The following RIMS1 variants were observed in gnomAD, a reference collection of about 807,000 sequenced individuals.
RIMS1 encodes regulating synaptic membrane exocytosis 1.
Under a neutral mutation model 214.1 loss-of-function variants are expected in RIMS1, and 83 were observed. The ratio of observed to expected loss-of-function variants is 0.39; its 90% CI spans 0.32 to 0.47. The LOEUF is 0.47. Ranked by LOEUF, RIMS1 falls within the 20% of genes least tolerant of loss-of-function variation. RIMS1 has a pLI of 0.99. For missense variants in RIMS1, 2,050 were observed against 2,161.8 expected (o/e 0.95, Z 1.03); for synonymous variants, 793 against 786.8 (o/e 1.01, Z -0.13).
chr6:72,287,565 ATAAG>A (rs2092569899), intron 24 of RIMS1, among the ~76,000 whole-genome samples: 1 of 152,032 alleles, frequency 6.6e-6, no homozygotes, highest in Non-Finnish European at 1.5e-5. Context: ...TCAGGCATAC[ATAAG>A]TTTGAATTAA....
chr6:72,301,330 A>G (rs948696849), intron 26 of RIMS1, among the ~76,000 whole-genome samples: 4 of 151,714 alleles, frequency 2.6e-5, no homozygotes, highest in African/African-American at 7.2e-5. Context: ...TATGTATAAT[A>G]TATATGTGTG....
intron 4 of RIMS1, among the ~76,000 whole-genome samples, chr6:72,147,584 G>C (rs192772868): frequency 1.2e-4 from 18 of 152,264 alleles, no homozygotes; most frequent in Admixed American, 1.0e-3. Context: ...GGCCTCTCAT[G>C]TGTGTGTGCA....
chr6:72,139,122 G>GTGTGTA (rs2041769132), intron 4 of RIMS1, among the ~76,000 whole-genome samples: 2 of 152,110 alleles, frequency 1.3e-5, no homozygotes. Context: ...GTCTGTGTGT[G>GTGTGTA]TGTGTATGTG....
intron 23 of RIMS1, among the ~76,000 whole-genome samples, chr6:72,276,225 CAAGAAAAGAAAAA>C (rs1429747158): frequency 6.6e-6 from 1 of 151,628 alleles, no homozygotes; most frequent in Admixed American, 6.6e-5. Context: ...CTCCGATCCC[CAAGAAAAGAAAAA>C]AAGAAAAGAT....
chr6:71,911,363 G>T (rs536056408), intron 1 of RIMS1, among the ~76,000 whole-genome samples: 1 of 152,210 alleles, frequency 6.6e-6, no homozygotes, highest in South Asian at 2.1e-4. Context: ...AATACTTATG[G>T]AGAGAATTAG....
intron 4 of RIMS1, among the ~76,000 whole-genome samples, chr6:72,110,777 T>A (rs1430447908): frequency 6.6e-6 from 1 of 152,128 alleles, no homozygotes; most frequent in Non-Finnish European, 1.5e-5. Flanking sequence ...CCCTGTCTTG[T>A]GCCAGTTTTC....
At chr6:72,326,714 G>A (rs1177635310) in intron 28 of RIMS1, among the ~76,000 whole-genome samples, 2 of 151,656 alleles carry the variant, frequency 1.3e-5, no homozygotes, top group Admixed American at 1.3e-4. Flanking sequence ...ATGTGCCCCC[G>A]ACAAAGGGTT....
intron 28 of RIMS1, among the ~76,000 whole-genome samples, chr6:72,331,010 AATG>A (rs2096639411): frequency 6.6e-6 from 1 of 151,700 alleles, no homozygotes; most frequent in Non-Finnish European, 1.5e-5. Flanking sequence ...ACCCCCTCCC[AATG>A]ATAACACTTG....
intron 4 of RIMS1, chr6:72,148,515 T>C (rs1246645012): frequency 4.5e-6 from 2 of 449,026 alleles, no homozygotes; most frequent in Non-Finnish European, 4.5e-6. Context: ...GTAGGATTAT[T>C]TGCACTCACC....
chr6:72,342,628 T>A (rs911248795), intron 29 of RIMS1, among the ~76,000 whole-genome samples: 1 of 63,960 alleles, frequency 1.6e-5, no homozygotes, highest in East Asian at 2.8e-4. Context: ...GTAAGATGGG[T>A]GTGTGTGTGT....
At chr6:72,064,352 GGAAGGAAGGAAGGAAGGGAGGAAC>G (rs988479439) in intron 2 of RIMS1, among the ~76,000 whole-genome samples, 6 of 148,168 alleles carry the variant, frequency 4.0e-5, no homozygotes, top group African/African-American at 1.5e-4. Context: ...AGAGAGAGAG[GGAAGGAAGGAAGGAAGGGAGGAAC>G]GAAGGAAGGA....
At chr6:72,247,615 C>T (rs1047283642) in intron 11 of RIMS1, among the ~76,000 whole-genome samples, 3 of 150,626 alleles carry the variant, frequency 2.0e-5, no homozygotes, top group South Asian at 2.1e-4. Context: ...TTAGATGTGG[C>T]TTATAAATTA....
rs184593162 is a variant in RIMS1, at chr6:72,303,101, G to A, written c.3851-4157G>A. Among the ~76,000 whole-genome samples the A allele has an allele frequency of 2.5e-3, 383 of 150,766 alleles. 1 individual carries two copies. The highest frequency in any genetic ancestry group is 8.5e-3 in the South Asian group (41 of 4,798). ...ATTACTGCAAGTTTAAATTATAAGC[G>A]TTCTAAACTATGTATAACTATAATG... On this transcript the variant is annotated intron_variant, in intron 26 of 33. Coordinates refer to ENST00000521978, the MANE Select transcript of RIMS1 (RefSeq NM_014989.7).
intron 29 of RIMS1, among the ~76,000 whole-genome samples, chr6:72,379,248 C>T (rs942790197): frequency 2.6e-5 from 4 of 152,222 alleles, no homozygotes; most frequent in African/African-American, 9.6e-5. Context: ...CCAGTCTGGG[C>T]TGTTATGGCG....
chr6:72,382,735 C>T (rs531252923), intron 29 of RIMS1, among the ~76,000 whole-genome samples: 4 of 152,172 alleles, frequency 2.6e-5, no homozygotes, highest in South Asian at 2.1e-4. Context: ...GTAGTTAACT[C>T]GAGGGACCAT....
At chr6:71,935,905 G>C (rs141027843) in intron 1 of RIMS1, among the ~76,000 whole-genome samples, 86 of 152,296 alleles carry the variant, frequency 5.6e-4, no homozygotes, top group Non-Finnish European at 1.0e-3. Flanking sequence ...AATCACAACT[G>C]AAAGTATGAA....
intron 2 of RIMS1, among the ~76,000 whole-genome samples, chr6:72,023,926 A>AT (rs1319009269): frequency 6.6e-6 from 1 of 152,090 alleles, no homozygotes; most frequent in East Asian, 1.9e-4. Context: ...TATACTGAAA[A>AT]TTTTTTGTAA....
intron 28 of RIMS1, among the ~76,000 whole-genome samples, chr6:72,318,524 T>C (rs1158306832): frequency 3.9e-5 from 6 of 152,210 alleles, no homozygotes; most frequent in Non-Finnish European, 7.3e-5. Context: ...GTTTTAATTA[T>C]AGATTGGTTC....
intron 2 of RIMS1, among the ~76,000 whole-genome samples, chr6:72,042,900 C>T (rs1024876927): frequency 1.5e-4 from 23 of 151,642 alleles, no homozygotes; most frequent in Admixed American, 4.0e-4. Context: ...ATAAGTATTC[C>T]GTGAAATTAG....
Sources: allele counts gnomAD v4.1 joint callset (sites outside exome capture counted in the v4.1 genomes callset), GRCh38; gene constraint gnomAD v4.1.1; transcripts MANE v1.5; gene names NCBI Gene and HGNC (gene_info 2026-07-23, HGNC 2026-07-21).